PTPN9: variants seen among roughly 807,000 people sequenced by gnomAD.
The protein encoded by PTPN9 is tyrosine-protein phosphatase non-receptor type 9.
PTPN9 carries 26 observed loss-of-function variants against 69.8 expected under a neutral mutation model. The observed-to-expected ratio is 0.37, with a 90% CI of 0.27 to 0.52. The LOEUF is 0.52. PTPN9 is among the 20% of genes least tolerant of loss of function. The probability of loss-of-function intolerance (pLI) is 0.91; values close to 1 mark genes in which losing one functional copy is unlikely to be tolerated. For missense variants in PTPN9, 549 were observed against 740.3 expected, an observed-to-expected ratio of 0.74 and a Z score of 3.00; for synonymous variants, 274 against 272.5, an observed-to-expected ratio of 1.01 and a Z score of -0.05.
chr15:75,578,983 G>C lies in PTPN9; in HGVS notation c.-207C>G. ...TCTCTCCGAACTGCCGCTCTCTTCC[G>C]GGAGGAAATCCTTTTTTATATTATT... On this transcript the variant is annotated 5_prime_UTR_variant, in exon 1 of 13. Coordinates refer to ENST00000618819, the MANE Select transcript of PTPN9 (RefSeq NM_002833.4). 1 of 287,904 alleles carries C rather than the reference G, an allele frequency of 3.5e-6. No homozygotes were observed. Among genetic ancestry groups the C allele is most frequent in the Non-Finnish European group, 6.4e-6 (1 of 156,272 alleles). 17.8% of individuals were successfully genotyped at this position (287,904 alleles called of 1,614,324 possible).
chr15:75,515,627 G>C (rs1395424375), intron 5 of PTPN9, among the ~76,000 whole-genome samples: 2 of 152,004 alleles, frequency 1.3e-5, no homozygotes, highest in Non-Finnish European at 2.9e-5. Context: ...GCCAGGCGCA[G>C]TGGCTCACGC....
At chr15:75,493,479 G>A (rs1452418624) in intron 7 of PTPN9, among the ~76,000 whole-genome samples, 3 of 151,998 alleles carry the variant, frequency 2.0e-5, no homozygotes, top group African/African-American at 7.2e-5. Flanking sequence ...GAGAAAAACT[G>A]GCCAGGCACA....
intron 7 of PTPN9, among the ~76,000 whole-genome samples, chr15:75,502,083 G>A (rs1232195623): frequency 6.6e-6 from 1 of 151,500 alleles, no homozygotes; most frequent in Non-Finnish European, 1.5e-5. Flanking sequence ...CTTTAACCTA[G>A]GAATTTGAGG....
intron 7 of PTPN9, among the ~76,000 whole-genome samples, chr15:75,492,136 G>A (rs2074714521): frequency 6.6e-6 from 1 of 152,158 alleles, no homozygotes; most frequent in African/African-American, 2.4e-5. Context: ...GCCTCCCAAA[G>A]TGCTGGGATT....
chr15:75,507,974 C>T (rs972563356), intron 6 of PTPN9, among the ~76,000 whole-genome samples: 13 of 125,944 alleles, frequency 1.0e-4, no homozygotes, highest in African/African-American at 4.0e-4. Flanking sequence ...ACTCAGGAGG[C>T]GGGGCTGCAG....
In PTPN9 at chr15:75,527,221, A is replaced by G; in HGVS notation, c.104T>C (p.Val35Ala). 1 of 1,614,162 alleles carries G rather than the reference A, an allele frequency of 6.2e-7. No homozygotes were observed. Among genetic ancestry groups the G allele is most frequent in the Non-Finnish European group, 8.5e-7 (1 of 1,180,012 alleles). Residue 35 changes from valine to alanine, a missense_variant, in exon 2 of 13, where the codon GTT becomes GCT. Val to Ala is a moderately conservative substitution (Grantham distance 64). Coordinates refer to ENST00000618819, the MANE Select transcript of PTPN9 (RefSeq NM_002833.4). ...QFLEEINKWT[V>A]QYNVSPLSWN... is the part of the protein sequence containing the mutation. ...AGACAGCGGGGAAACATTGTACTGA[A>G]CTGTCCACTTGTTAATCTCTTCGAG...
Position 75,468,579 on chromosome 15 carries a change from T to A in PTPN9, c.*190A>T. ...ATTAAGAACACATTGCTACTGGCCC[T>A]TTCTAGTGGCAATTTCACCACATTT... is the stretch of plus-strand genomic sequence containing the variant. On this transcript the variant is annotated 3_prime_UTR_variant, in exon 13 of 13. Coordinates refer to ENST00000618819, the MANE Select transcript of PTPN9 (RefSeq NM_002833.4). 1 of 554,038 alleles carries A rather than the reference T, an allele frequency of 1.8e-6. No individual in the cohort carries two copies. The highest frequency in any genetic ancestry group is 2.7e-5 in the South Asian group (1 of 37,468). 34.3% of individuals were successfully genotyped at this position (554,038 alleles called of 1,614,324 possible). A position where few individuals can be genotyped will look rare whatever the true frequency, so the allele number is the denominator to read the frequency against.
At chr15:75,471,057 CACTT>C in intron 10 of PTPN9, 1 of 539,178 alleles carries the variant, frequency 1.9e-6, no homozygotes, top group Non-Finnish European at 3.2e-6. Context: ...AGTTACTGAG[CACTT>C]ACTACAGCAT....
At chr15:75,523,453 T>C (rs1227266096) in intron 3 of PTPN9, among the ~76,000 whole-genome samples, 1 of 151,828 alleles carries the variant, frequency 6.6e-6, no homozygotes, top group East Asian at 1.9e-4. Flanking sequence ...CATATTTCTG[T>C]GGTAAGAAAA....
rs116175174 is a variant in PTPN9 at position 75,562,983 on chromosome 15, T to C, written c.63+15731A>G. Among the ~76,000 whole-genome samples, 1,188 of 152,186 alleles carry C rather than the reference T, an allele frequency of 7.8e-3. 15 individuals are homozygous for C. Among genetic ancestry groups the C allele is most frequent in the African/African-American group, 0.027 (1,133 of 41,516 alleles). ...GGGGTACATGTGCAGGTTTATTACA[T>C]AGGTAAATTGTGTGTCACAGGGTTT... is the stretch of plus-strand genomic sequence containing the variant. On this transcript the variant is annotated intron_variant, in intron 1 of 12. Coordinates refer to ENST00000618819, the MANE Select transcript of PTPN9 (RefSeq NM_002833.4).
Position 75,474,294 on chromosome 15 carries a change from C to T in PTPN9, c.1130-527G>A, listed in dbSNP as rs1249475775. On this transcript the variant is annotated intron_variant, in intron 9 of 12. Transcript: ENST00000618819. ...CAGCACTTTGGGAGGCCATGGCAGG[C>T]AGGTTGCCTGAGCTCAAGAGTTTGA... 2.0e-5 allele frequency among the ~76,000 whole-genome samples: 3 copies of T among 152,134 alleles called. No individual in the cohort carries two copies. In the East Asian group the frequency reaches 5.8e-4, roughly 29 times the overall value.
chr15:75,504,546 C>T (rs1268506658), intron 7 of PTPN9, among the ~76,000 whole-genome samples: 14 of 139,806 alleles, frequency 1.0e-4, no homozygotes, highest in Non-Finnish European at 4.7e-5. Context: ...CCAGCCGCCC[C>T]GTCCAGGAGG....
intron 7 of PTPN9, among the ~76,000 whole-genome samples, chr15:75,504,799 G>T (rs1279732190): frequency 7.2e-6 from 1 of 138,782 alleles, no homozygotes; most frequent in African/African-American, 2.8e-5. Flanking sequence ...GGAGGGAGGT[G>T]GGGGGGTCAG....
intron 1 of PTPN9, among the ~76,000 whole-genome samples, chr15:75,564,852 C>T (rs2075119873): frequency 6.6e-6 from 1 of 151,700 alleles, no homozygotes; most frequent in South Asian, 2.1e-4. Context: ...GACTGTAATC[C>T]CGGCACTTTG....
intron 1 of PTPN9, among the ~76,000 whole-genome samples, chr15:75,574,942 C>CAAAA (rs771896991): frequency 1.5e-4 from 4 of 27,030 alleles, no homozygotes; most frequent in African/African-American, 2.5e-4. Flanking sequence ...AACTCTGTCT[C>CAAAA]AAAAAAAAAA....
At chr15:75,562,752 A>G (rs1384933899) in intron 1 of PTPN9, among the ~76,000 whole-genome samples, 2 of 140,242 alleles carry the variant, frequency 1.4e-5, no homozygotes, top group Non-Finnish European at 3.0e-5. Context: ...GAATGGCGTG[A>G]ACTGCACTCC....
chr15:75,530,254 G>A (rs1312340151), intron 1 of PTPN9, among the ~76,000 whole-genome samples: 2 of 141,066 alleles, frequency 1.4e-5, no homozygotes, highest in Non-Finnish European at 3.0e-5. Flanking sequence ...AAGAAAGGGA[G>A]GGCTAGGCAC....
At chr15:75,504,508 A>G (rs1321503614) in intron 7 of PTPN9, among the ~76,000 whole-genome samples, 1 of 106,294 alleles carries the variant, frequency 9.4e-6, no homozygotes, top group African/African-American at 3.8e-5. Context: ...TCCGGGAGGG[A>G]GGTGGGGGGG....
At chr15:75,505,311 C>CA (rs2074812783) in intron 7 of PTPN9, among the ~76,000 whole-genome samples, 1 of 149,794 alleles carries the variant, frequency 6.7e-6, no homozygotes, top group Non-Finnish European at 1.5e-5. Context: ...CCCAGGGACA[C>CA]AAACACTGCG....
Sources: gnomAD v4.1 joint callset for allele counts (sites outside exome capture counted in the v4.1 genomes callset) on GRCh38, gnomAD v4.1.1 for gene constraint, MANE v1.5 for transcripts, NCBI Gene and HGNC (gene_info 2026-07-23, HGNC 2026-07-21) for gene names.